PTPRZ1: variants seen among roughly 807,000 people sequenced by gnomAD.
PTPRZ1 encodes protein tyrosine phosphatase receptor type Z1, also known as receptor-type tyrosine-protein phosphatase zeta.
Under a neutral mutation model 214.1 loss-of-function variants are expected in PTPRZ1, and 82 were observed. The observed-to-expected ratio is 0.38, with a 90% CI of 0.32 to 0.46. The LOEUF is 0.46. PTPRZ1 is among the 20% of genes least tolerant of loss of function. The pLI is 1.00. For synonymous variants in PTPRZ1, 945 were observed against 987.9 expected (o/e 0.96, Z 0.81); for missense variants, 2,603 against 2,748.7 (o/e 0.95, Z 1.19).
intron 1 of PTPRZ1, among the ~76,000 whole-genome samples, chr7:121,897,162 G>A (rs1794809836): frequency 6.6e-6 from 1 of 152,026 alleles, no homozygotes; most frequent in South Asian, 2.1e-4. Flanking sequence ...TGTTTTTCTT[G>A]TTATTATTGG....
At chr7:121,925,042 G>C (rs1038415796) in intron 1 of PTPRZ1, among the ~76,000 whole-genome samples, 1 of 152,204 alleles carries the variant, frequency 6.6e-6, no homozygotes, top group Non-Finnish European at 1.5e-5. Context: ...AGTAGCTCAG[G>C]ATTCTTAGGA....
At chr7:122,000,895 A>G (rs1014765236) in intron 10 of PTPRZ1, among the ~76,000 whole-genome samples, 3 of 151,482 alleles carry the variant, frequency 2.0e-5, no homozygotes, top group South Asian at 4.2e-4. Flanking sequence ...CATGTGGGCC[A>G]GGCTGGTCTC....
At chr7:122,056,094 A>G (rs1302259105) in intron 27 of PTPRZ1, among the ~76,000 whole-genome samples, 1 of 151,858 alleles carries the variant, frequency 6.6e-6, no homozygotes, top group African/African-American at 2.4e-5. Context: ...GTTCCATGCT[A>G]ATTTCTATCT....
chr7:121,904,352 G>A (rs763656882), intron 1 of PTPRZ1, among the ~76,000 whole-genome samples: 2 of 152,102 alleles, frequency 1.3e-5, no homozygotes, highest in Non-Finnish European at 2.9e-5. Context: ...AAGATGGATC[G>A]CAGATGGCAG....
chr7:122,056,076 C>T (rs1323728437), intron 27 of PTPRZ1, among the ~76,000 whole-genome samples: 5 of 151,820 alleles, frequency 3.3e-5, no homozygotes. Flanking sequence ...TCCCTGAGAG[C>T]TCTTAATGTT....
chr7:121,977,714 T>TC, intron 6 of PTPRZ1, among the ~76,000 whole-genome samples: 1 of 152,002 alleles, frequency 6.6e-6, no homozygotes, highest in East Asian at 1.9e-4. Flanking sequence ...CTTTTATTTT[T>TC]TTTTTTTTTT....
chr7:121,984,162 G>T (rs1008734794), intron 8 of PTPRZ1, 45 bp downstream of exon 8: 8 of 1,504,014 alleles, frequency 5.3e-6, no homozygotes, highest in Middle Eastern at 1.8e-4. Flanking sequence ...TAGATGCAGT[G>T]TTATAGGAGG....
chr7:122,016,680 A>G (rs1798849795), intron 12 of PTPRZ1, among the ~76,000 whole-genome samples: 1 of 151,778 alleles, frequency 6.6e-6, no homozygotes, highest in Non-Finnish European at 1.5e-5. Context: ...TATATAATGC[A>G]TTATATATCT....
chr7:121,970,501 G>A (rs1485480220), intron 3 of PTPRZ1, among the ~76,000 whole-genome samples: 8 of 152,090 alleles, frequency 5.3e-5, no homozygotes, highest in African/African-American at 1.7e-4. Flanking sequence ...ATTCTAACTG[G>A]TGTGAGATGA....
chr7:121,980,276 T>A (rs938014612), intron 6 of PTPRZ1, among the ~76,000 whole-genome samples: 1 of 152,220 alleles, frequency 6.6e-6, no homozygotes, highest in Non-Finnish European at 1.5e-5. Context: ...ATTTGTAAGA[T>A]AAATTTAGTC....
chr7:121,895,356 G>A (rs1189254034), intron 1 of PTPRZ1, among the ~76,000 whole-genome samples: 1 of 152,072 alleles, frequency 6.6e-6, no homozygotes, highest in Non-Finnish European at 1.5e-5. Flanking sequence ...TTGAATTGTA[G>A]GCTTTTAAGA....
Position 121,998,013 on chromosome 7 carries a change from G to C in PTPRZ1, c.1240+7G>C, listed in dbSNP as rs746195613. 5 of 1,611,218 alleles carry C rather than the reference G, an allele frequency of 3.1e-6. No individual in the cohort carries two copies. Among genetic ancestry groups the C allele is most frequent in the Non-Finnish European group, 4.2e-6 (5 of 1,178,906 alleles). The stretch of plus-strand genomic sequence containing the variant: ...ATGCCTACTGATAATCCTGGTAAGT[G>C]CCACCAGATACATCTATATATTAAC... On this transcript the variant is annotated splice_region_variant and intron_variant, in intron 10 of 29. Transcript: ENST00000393386.
chr7:121,998,940 G>T (rs1299474112), intron 10 of PTPRZ1, among the ~76,000 whole-genome samples: 1 of 152,078 alleles, frequency 6.6e-6, no homozygotes, highest in African/African-American at 2.4e-5. Flanking sequence ...AAACTGATGT[G>T]CACGGTTTGC....
chr7:121,938,420 C>T (rs1412301256), intron 2 of PTPRZ1, among the ~76,000 whole-genome samples: 1 of 152,188 alleles, frequency 6.6e-6, no homozygotes, highest in African/African-American at 2.4e-5. Flanking sequence ...ATTGGAGTGA[C>T]TATTTGTGTT....
chr7:122,002,857 CA>C (rs1239888824), intron 10 of PTPRZ1, among the ~76,000 whole-genome samples: 23 of 152,210 alleles, frequency 1.5e-4, no homozygotes, highest in African/African-American at 5.3e-4. Flanking sequence ...TATGATTTGC[CA>C]TTATGAGCAT....
At position 122,013,265 on chromosome 7, in the gene PTPRZ1, A is replaced by G. The variant is rs1180210133; in HGVS notation, c.4219A>G (p.Lys1407Glu). The G allele has an allele frequency of 6.2e-7, 1 of 1,614,196 alleles. No individual in the cohort carries two copies. The highest frequency in any genetic ancestry group is 8.5e-7 in the Non-Finnish European group (1 of 1,180,034). ...KATSELSHSA[K>E]SDAGLVGGGE... ...AACTTCTGAGCTGAGTCATAGTGCC[A>G]AATCTGATGCCGGTTTAGTGGGTGG... is the stretch of plus-strand genomic sequence containing the variant. Residue 1407 changes from lysine to glutamate, a missense_variant, in exon 12 of 30, where the codon AAA (lysine) becomes GAA (glutamate). Transcript: ENST00000393386.
chr7:122,050,017 G>A (rs1792119900), intron 23 of PTPRZ1, among the ~76,000 whole-genome samples: 1 of 152,162 alleles, frequency 6.6e-6, no homozygotes, highest in East Asian at 1.9e-4. Flanking sequence ...AAATAACATT[G>A]GGAAAATTTT....
At chr7:121,881,880 G>T (rs991815379) in intron 1 of PTPRZ1, among the ~76,000 whole-genome samples, 2 of 152,086 alleles carry the variant, frequency 1.3e-5, no homozygotes, top group African/African-American at 4.8e-5. Context: ...TTTCATCAAT[G>T]ATACATATTC....
At chr7:121,987,939 T>C (rs959417411) in intron 8 of PTPRZ1, among the ~76,000 whole-genome samples, 16 of 152,214 alleles carry the variant, frequency 1.1e-4, no homozygotes, top group Admixed American at 6.5e-5. Flanking sequence ...AAGTACCTCA[T>C]GTTCTCACTT....
Sources: gnomAD v4.1 joint callset for allele counts (sites outside exome capture counted in the v4.1 genomes callset) on GRCh38, gnomAD v4.1.1 for gene constraint, MANE v1.5 for transcripts, NCBI Gene and HGNC (gene_info 2026-07-23, HGNC 2026-07-21) for gene names.